RHOBTB3: variants seen among roughly 807,000 people sequenced by gnomAD.
RHOBTB3 encodes Rho related BTB domain containing 3.
Under a neutral mutation model 67.2 loss-of-function variants are expected in RHOBTB3, and 47 were observed. The observed-to-expected ratio is 0.70, with a 90% CI of 0.55 to 0.89. The LOEUF (loss-of-function observed/expected upper bound fraction) is 0.89, where lower values mean the gene tolerates loss of function less well. Among genes scored for constraint, RHOBTB3 ranks in the 40% least tolerant of loss-of-function variants. RHOBTB3 has a pLI of 0.00. For synonymous variants in RHOBTB3, 273 were observed against 274.2 expected (o/e 1.00, Z 0.04); for missense variants, 631 against 750.0 (o/e 0.84, Z 1.85).
intron 10 of RHOBTB3, among the ~76,000 whole-genome samples, chr5:95,784,950 T>C (rs1746177439): frequency 6.6e-6 from 1 of 152,242 alleles, no homozygotes; most frequent in Admixed American, 6.5e-5. Context: ...GGAATATATT[T>C]GTTCAATCAC....
chr5:95,748,294 TAA>T, intron 3 of RHOBTB3, 37 bp from the exon 4 acceptor site: 2 of 1,526,662 alleles, frequency 1.3e-6, no homozygotes, highest in Admixed American at 3.8e-5. Context: ...TTTTCCTGTT[TAA>T]TTTCGAAACT....
chr5:95,725,078 A>G (rs1281134044), intron 1 of RHOBTB3, among the ~76,000 whole-genome samples: 1 of 152,158 alleles, frequency 6.6e-6, no homozygotes, highest in Admixed American at 6.5e-5. Context: ...ACCCACAAAT[A>G]TACTACATTT....
chr5:95,729,487 A>G (rs1361547256), upstream of RHOBTB3, among the ~76,000 whole-genome samples: 2 of 152,236 alleles, frequency 1.3e-5, no homozygotes, highest in South Asian at 2.1e-4. Flanking sequence ...GTCATAAAAT[A>G]TAACAATAGT....
chr5:95,744,710 G>T (rs954180839), intron 3 of RHOBTB3, among the ~76,000 whole-genome samples: 2 of 152,020 alleles, frequency 1.3e-5, no homozygotes, highest in Non-Finnish European at 2.9e-5. Flanking sequence ...AACTGTGTTG[G>T]GTGCTCTCCT....
At chr5:95,780,160 C>G in intron 8 of RHOBTB3, 92 bp from the exon 9 acceptor site, 1 of 951,396 alleles carries the variant, frequency 1.1e-6, no homozygotes, top group Non-Finnish European at 1.6e-6. Context: ...CCTAGCTGTC[C>G]CTAATGTGGT....
intron 8 of RHOBTB3, chr5:95,769,180 A>C: frequency 2.9e-6 from 1 of 341,604 alleles, no homozygotes; most frequent in East Asian, 7.9e-5. Flanking sequence ...AACTGTGATT[A>C]TTGAATGAAG....
At chr5:95,779,250 T>G (rs1176148746) in intron 8 of RHOBTB3, among the ~76,000 whole-genome samples, 1 of 152,226 alleles carries the variant, frequency 6.6e-6, no homozygotes, top group Non-Finnish European at 1.5e-5. Flanking sequence ...GCTTTGTCAC[T>G]CACACTGGCT....
intron 10 of RHOBTB3, among the ~76,000 whole-genome samples, chr5:95,784,271 A>G (rs1319932490): frequency 1.3e-5 from 2 of 152,238 alleles, no homozygotes; most frequent in African/African-American, 4.8e-5. Context: ...ATTGTAGGAA[A>G]TAGAATTTAT....
chr5:95,736,935 G>A lies in RHOBTB3; in HGVS notation c.275G>A (p.Gly92Asp), dbSNP rs755630454. Residue 92 changes from glycine (G) to aspartate (D), a missense_variant, in exon 3 of 12, where the codon GGC becomes GAC. Physicochemically the swap from Gly to Asp is moderately conservative, Grantham distance 94. Transcript: ENST00000379982. ...DWYTSRNLIG[G>D]ADIIVIKYNV... ...TACACTTCTCGAAATCTAATTGGGGGCGCTGACATCATTGTGATCAAATAC... is the reference window on the plus strand; with the variant it reads ...TACACTTCTCGAAATCTAATTGGGGACGCTGACATCATTGTGATCAAATAC... 1.3e-5 allele frequency: 21 copies of A among 1,612,008 alleles called. No individual in the cohort carries two copies. The highest frequency in any genetic ancestry group is 1.8e-5 in the Non-Finnish European group (21 of 1,179,362).
intron 8 of RHOBTB3, chr5:95,769,706 T>G (rs1745651060): frequency 5.7e-6 from 1 of 175,634 alleles, no homozygotes; most frequent in Non-Finnish European, 1.2e-5. Flanking sequence ...TAGGCTAAAT[T>G]TTTGCATAAC....
At chr5:95,776,428 T>A (rs893576230) in intron 8 of RHOBTB3, among the ~76,000 whole-genome samples, 2 of 151,838 alleles carry the variant, frequency 1.3e-5, no homozygotes, top group Admixed American at 6.6e-5. Context: ...AAATAAAAAA[T>A]AAAAAAATAA....
intron 2 of RHOBTB3, among the ~76,000 whole-genome samples, chr5:95,734,765 G>T (rs1217969123): frequency 1.3e-5 from 2 of 152,048 alleles, no homozygotes; most frequent in East Asian, 3.8e-4. Flanking sequence ...AGTTTTCTTT[G>T]CAGGGTTTGA....
intron 6 of RHOBTB3, 102 bp from the exon 7 acceptor site, chr5:95,763,406 A>G (rs968077283): frequency 1.6e-5 from 11 of 690,268 alleles, no homozygotes; most frequent in African/African-American, 1.3e-4. Flanking sequence ...GTAAAGAAAA[A>G]TTAAAGCACT....
chr5:95,753,247 G>T (rs1387000392), intron 5 of RHOBTB3, among the ~76,000 whole-genome samples: 1 of 151,570 alleles, frequency 6.6e-6, no homozygotes, highest in Non-Finnish European at 1.5e-5. Flanking sequence ...GTGTGTGTGT[G>T]TGTGTGTGTG....
At position 95,784,249 on chromosome 5, in the gene RHOBTB3, T is replaced by A. The variant is rs57096595; in HGVS notation, c.1623+286T>A. Among the ~76,000 whole-genome samples the A allele has an allele frequency of 2.7e-3, 409 of 152,340 alleles. 1 individual carries two copies. The highest frequency in any genetic ancestry group is 9.5e-3 in the African/African-American group (394 of 41,582). On this transcript the variant is annotated intron_variant, in intron 10 of 11. Coordinates refer to ENST00000379982, the MANE Select transcript of RHOBTB3 (RefSeq NM_014899.4). ...GTCATTTGAATGTGGTGCTATACTA[T>A]GTCACATAGGCATTGTAGGAAATAG... is the stretch of plus-strand genomic sequence containing the variant.
In RHOBTB3 at chr5:95,795,116, A is replaced by AT. The variant is rs1184381298; in HGVS notation, c.*1942_*1943insT. 6.6e-6 allele frequency: 1 copy of AT among 151,868 alleles called. No individual in the cohort carries two copies. Among genetic ancestry groups the AT allele is most frequent in the Non-Finnish European group, 1.5e-5 (1 of 67,974 alleles). The allele number at this position is 151,868 out of a possible 1,614,324, so 9.4% of individuals were successfully genotyped here. A position where few individuals can be genotyped will look rare whatever the true frequency, so the allele number is the denominator to read the frequency against. ...AAACTCCATCTCAAAAAAAAAAAAA[A>AT]AACCAAAGTGAAACACTAAAAATTC... On this transcript the variant is annotated 3_prime_UTR_variant, in exon 12 of 12. Coordinates refer to ENST00000379982, the MANE Select transcript of RHOBTB3 (RefSeq NM_014899.4).
chr5:95,718,318 T>G (rs566834482), intron 1 of RHOBTB3, among the ~76,000 whole-genome samples: 1 of 152,164 alleles, frequency 6.6e-6, no homozygotes, highest in South Asian at 2.1e-4. Flanking sequence ...GTACAGTCCC[T>G]GCAAGTTAAA....
chr5:95,770,524 T>TG, intron 8 of RHOBTB3: 1 of 358,436 alleles, frequency 2.8e-6, no homozygotes. Flanking sequence ...GAGCTATGGT[T>TG]GGGGGTTTTG....
chr5:95,755,704 G>A lies in RHOBTB3; in HGVS notation c.991G>A (p.Val331Ile). The change falls in exon 6 of 12, where the codon GTT (valine) becomes ATT (isoleucine). Residue 331 changes from valine (V) to isoleucine (I), a missense_variant. Physicochemically the swap from Val to Ile is conservative, Grantham distance 29 (BLOSUM62 3). Coordinates refer to ENST00000379982, the MANE Select transcript of RHOBTB3 (RefSeq NM_014899.4). ...AGGCAACCCACCATTACGAGTCATT[G>A]TTAAAGACGCCCTCTTCTGTTCTTG... ...SSGNPPLRVI[V>I]KDALFCSCLS... is the part of the protein sequence containing the mutation. 6.2e-7 allele frequency: 1 copy of A among 1,614,088 alleles called. No homozygotes were observed. The highest frequency in any genetic ancestry group is 2.2e-5 in the East Asian group (1 of 44,886).
Sources: gnomAD v4.1 joint callset for allele counts (sites outside exome capture counted in the v4.1 genomes callset) on GRCh38, gnomAD v4.1.1 for gene constraint, MANE v1.5 for transcripts, NCBI Gene and HGNC (gene_info 2026-07-23, HGNC 2026-07-21) for gene names.